Variants in TADA1 observed in about 807,000 individuals in gnomAD.
The protein encoded by TADA1 is transcriptional adaptor 1.
Under a neutral mutation model 39.3 loss-of-function variants are expected in TADA1, and 23 were observed. The ratio of observed to expected loss-of-function variants is 0.58; its 90% CI spans 0.42 to 0.83. TADA1 has a LOEUF of 0.83. Among genes scored for constraint, TADA1 ranks in the 40% least tolerant of loss-of-function variants. The pLI is 0.00. For synonymous variants in TADA1, 137 were observed against 151.8 expected (o/e 0.90, Z 0.72); for missense variants, 352 against 408.1 (o/e 0.86, Z 1.18).
At chr1:166,869,137 C>A in intron 3 of TADA1, 1 of 362,246 alleles carries the variant, frequency 2.8e-6, no homozygotes, top group East Asian at 6.6e-5. Context: ...ACTTTTTCTC[C>A]AGAAACAGAA....
chr1:166,858,227 G>GGGT lies in TADA1; in HGVS notation c.744_746dup (p.Pro250dup), dbSNP rs1658328058. On this transcript the variant is annotated inframe_insertion, in exon 7 of 8. Transcript: ENST00000367874. The stretch of plus-strand genomic sequence containing the variant: ...CAGCCTGCTGCTCAGCATCATCAGG[G>GGGT]GGTGGGTGAGAAGCTGGATTCTGAC... 3.7e-6 allele frequency: 6 copies of GGGT among 1,610,652 alleles called. No homozygotes were observed. The highest frequency in any genetic ancestry group is 5.1e-6 in the Non-Finnish European group (6 of 1,178,866).
chr1:166,865,303 A>C (rs1041946033), intron 3 of TADA1, among the ~76,000 whole-genome samples: 5 of 152,184 alleles, frequency 3.3e-5, no homozygotes, highest in African/African-American at 1.2e-4. Flanking sequence ...AAAATCAGTT[A>C]ATCCAGAAAC....
chr1:166,874,900 T>A (rs939437971), intron 1 of TADA1, among the ~76,000 whole-genome samples: 2 of 152,268 alleles, frequency 1.3e-5, no homozygotes, highest in Non-Finnish European at 1.5e-5. Context: ...TCCATTATTA[T>A]CTTGTTAGGA....
At chr1:166,865,580 G>A (rs796660161) in intron 3 of TADA1, among the ~76,000 whole-genome samples, 13 of 152,016 alleles carry the variant, frequency 8.6e-5, no homozygotes, top group Non-Finnish European at 1.5e-4. Flanking sequence ...TTGGGAGGCC[G>A]AGGCGGGCAG....
At chr1:166,875,760 C>T (rs929713993) in intron 1 of TADA1, among the ~76,000 whole-genome samples, 17 of 152,362 alleles carry the variant, frequency 1.1e-4, no homozygotes, top group African/African-American at 3.8e-4. Flanking sequence ...CCTCCAGGGG[C>T]GGGCCGCCCT....
rs574932345 is a variant in TADA1 at position 166,876,061 on chromosome 1, G to A, written c.74+99C>T. The A allele has an allele frequency of 3.7e-4, 451 of 1,215,486 alleles. 2 individuals are homozygous for A. The African/African-American group carries it at 7.0e-3, about 19-fold the overall frequency. The allele number at this position is 1,215,486 out of a possible 1,614,324, so 75.3% of individuals were successfully genotyped here. ...CCGCCGCGGACTCCAGGCTGCACAG[G>A]CCCCCGGGCGACGCGGGCGTCTCCG... On this transcript the variant is annotated intron_variant, in intron 1 of 7. Transcript: ENST00000367874.
chr1:166,858,185 G>A lies in TADA1; in HGVS notation c.789C>T (p.Cys263=). The part of the protein sequence containing the change: ...AEQQAALLLA[C]SGDTLPASLP... ...AAGATGCAGGTAGAGTGTCTCCGGA[G>A]CATGCCAGCAGGAGTGCAGCCTGCT... The change falls in exon 7 of 8, where the codon TGC becomes TGT. Residue 263 remains cysteine (C), a synonymous_variant. Coordinates refer to ENST00000367874, the MANE Select transcript of TADA1 (RefSeq NM_053053.4). 6.2e-7 allele frequency: 1 copy of A among 1,614,096 alleles called. No individual in the cohort carries two copies. The highest frequency in any genetic ancestry group is 8.5e-7 in the Non-Finnish European group (1 of 1,179,986).
At position 166,876,015 on chromosome 1, in the gene TADA1, C is replaced by T. The variant is rs903855327; in HGVS notation, c.74+145G>A. The stretch of plus-strand genomic sequence containing the variant: ...TTCAGGTGGCCCGCCCCGCCCCGGC[C>T]GGAGAAACCCCGAAGCCCCGCCGCC... On this transcript the variant is annotated intron_variant, in intron 1 of 7. Transcript: ENST00000367874. The T allele has an allele frequency of 1.0e-5, 8 of 765,424 alleles. No homozygotes were observed. In the Admixed American group the frequency reaches 1.2e-4, roughly 12 times the overall value. 47.4% of individuals were successfully genotyped at this position (765,424 alleles called of 1,614,324 possible).
chr1:166,860,279 C>G lies in TADA1; in HGVS notation c.599G>C (p.Arg200Pro), dbSNP rs367923603. The G allele has an allele frequency of 3.7e-6, 6 of 1,614,002 alleles. No individual in the cohort carries two copies. The highest frequency in any genetic ancestry group is 1.6e-4 in the Middle Eastern group (1 of 6,062). Residue 200 changes from arginine (R) to proline (P), a missense_variant, in exon 6 of 8, where the codon CGA becomes CCA. Arg to Pro is a moderately radical substitution (Grantham distance 103). Transcript: ENST00000367874. ...VVSRRKAYRL[R>P]DGHFKYAFGS... ...AAAGGCATATTTAAAATGACCATCT[C>G]GTAACCGATAAGCTTTCCTTCTTGA...
chr1:166,873,588 T>C (rs766093708), intron 1 of TADA1, among the ~76,000 whole-genome samples: 14 of 151,892 alleles, frequency 9.2e-5, no homozygotes, highest in Non-Finnish European at 2.1e-4. Flanking sequence ...ATATAAGAAA[T>C]GACTGTACAG....
intron 7 of TADA1, 93 bp downstream of exon 7, chr1:166,858,026 G>C: frequency 6.8e-7 from 1 of 1,472,260 alleles, no homozygotes; most frequent in Non-Finnish European, 9.3e-7. Flanking sequence ...ACAAAGCCAA[G>C]AAGTGGAAAA....
intron 1 of TADA1, among the ~76,000 whole-genome samples, chr1:166,875,511 C>T (rs940194164): frequency 6.6e-6 from 1 of 152,214 alleles, no homozygotes; most frequent in Non-Finnish European, 1.5e-5. Flanking sequence ...GTCTTCTCAT[C>T]TGTCAAATGG....
intron 7 of TADA1, 74 bp from the exon 8 acceptor site, chr1:166,857,793 T>C (rs2101784608): frequency 7.3e-6 from 11 of 1,504,414 alleles, no homozygotes; most frequent in Non-Finnish European, 9.0e-6. Flanking sequence ...AAAGGGTTTA[T>C]ATCAACAAAA....
At chr1:166,863,749 T>C (rs938519937) in intron 4 of TADA1, 75 bp downstream of exon 4, 1 of 1,349,330 alleles carries the variant, frequency 7.4e-7, no homozygotes, top group Admixed American at 1.8e-5. Flanking sequence ...TAATATTCAT[T>C]TAAAAACTAA....
intron 1 of TADA1, among the ~76,000 whole-genome samples, chr1:166,875,861 A>G (rs534435889): frequency 1.2e-4 from 19 of 152,208 alleles, no homozygotes; most frequent in African/African-American, 4.6e-4. Flanking sequence ...TGGGGCCCGC[A>G]CCTGCTCAGC....
At chr1:166,867,409 A>T (rs915453959) in intron 3 of TADA1, among the ~76,000 whole-genome samples, 1 of 152,200 alleles carries the variant, frequency 6.6e-6, no homozygotes, top group African/African-American at 2.4e-5. Flanking sequence ...TATAAATTAA[A>T]TAGCACATCA....
intron 3 of TADA1, among the ~76,000 whole-genome samples, chr1:166,867,558 A>G (rs942203179): frequency 2.0e-4 from 31 of 151,930 alleles, no homozygotes; most frequent in African/African-American, 7.5e-4. Context: ...AGGGTCAAAG[A>G]ACGAGGTGTT....
chr1:166,866,239 A>AG (rs1295923913), intron 3 of TADA1, among the ~76,000 whole-genome samples: 1 of 152,246 alleles, frequency 6.6e-6, no homozygotes, highest in Non-Finnish European at 1.5e-5. Context: ...AGTAGCACTT[A>AG]GATTTCAGTT....
At chr1:166,869,080 T>G in intron 3 of TADA1, 1 of 283,378 alleles carries the variant, frequency 3.5e-6, no homozygotes, top group Non-Finnish European at 7.2e-6. Flanking sequence ...AAAGAAAAGT[T>G]TGGTGTCAAA....
Sources: allele counts gnomAD v4.1 joint callset (sites outside exome capture counted in the v4.1 genomes callset), GRCh38; gene constraint gnomAD v4.1.1; transcripts MANE v1.5; gene names NCBI Gene and HGNC (gene_info 2026-07-23, HGNC 2026-07-21).